ADARB1: variants seen among roughly 807,000 people sequenced by gnomAD.
The protein encoded by ADARB1 is double-stranded RNA-specific editase 1.
In ADARB1, 10 loss-of-function variants were observed where a neutral mutation model predicts 52.4. That is an observed-to-expected ratio of 0.19 (90% CI 0.12 to 0.32). The LOEUF is 0.32. Among genes scored for constraint, ADARB1 ranks in the 10% least tolerant of loss-of-function variants. The pLI, the probability that ADARB1 is intolerant of heterozygous loss-of-function variation, is 1.00. For missense variants in ADARB1, 643 were observed against 922.3 expected, an observed-to-expected ratio of 0.70 and a Z score of 3.92; for synonymous variants, 349 against 371.1, an observed-to-expected ratio of 0.94 and a Z score of 0.68.
In ADARB1 at chr21:45,080,063, G is replaced by A. The variant is rs115369908; in HGVS notation, c.-220+5270G>A. 8.5e-3 allele frequency among the ~76,000 whole-genome samples: 1,299 copies of A among 152,258 alleles called. 11 individuals carry two copies. Among genetic ancestry groups the A allele is most frequent in the African/African-American group, 0.03 (1,245 of 41,524 alleles). Reference sequence around the variant, plus strand: ...AGGGGTTCTTTTCTTCTTATTCTTCGTGGGCTGGAGAGTTTCCTATTGGCT... The same window carrying A: ...AGGGGTTCTTTTCTTCTTATTCTTCATGGGCTGGAGAGTTTCCTATTGGCT... On this transcript the variant is annotated intron_variant, in intron 1 of 10. Transcript: ENST00000348831.
At chr21:45,137,958 A>C (rs2145879378) in intron 2 of ADARB1, among the ~76,000 whole-genome samples, 1 of 152,210 alleles carries the variant, frequency 6.6e-6, no homozygotes, top group African/African-American at 2.4e-5. Flanking sequence ...AAAAGGGCAG[A>C]CCTGTGCTTA....
At chr21:45,209,738 T>G (rs2092731855) in intron 9 of ADARB1, among the ~76,000 whole-genome samples, 1 of 152,136 alleles carries the variant, frequency 6.6e-6, no homozygotes, top group African/African-American at 2.4e-5. Flanking sequence ...AGGTGTGTGG[T>G]TAGTTTGTTT....
chr21:45,207,944 T>C (rs1010628616), intron 9 of ADARB1, among the ~76,000 whole-genome samples: 1 of 152,226 alleles, frequency 6.6e-6, no homozygotes, highest in African/African-American at 2.4e-5. Context: ...TTAATTTTCA[T>C]TTCAGCCTGA....
Position 45,225,523 on chromosome 21 carries a change from G to C in ADARB1, c.*3326G>C. 7.5e-7 allele frequency: 1 copy of C among 1,328,882 alleles called. No homozygotes were observed. Among genetic ancestry groups the C allele is most frequent in the Non-Finnish European group, 9.7e-7 (1 of 1,028,512 alleles). The allele number at this position is 1,328,882 out of a possible 1,614,324, so 82.3% of individuals were successfully genotyped here. A position where few individuals can be genotyped will look rare whatever the true frequency, so the allele number is the denominator to read the frequency against. On this transcript the variant is annotated 3_prime_UTR_variant, in exon 11 of 11. Transcript: ENST00000348831. ...TCGCCACTTTCTTTGTGAAGACAGT[G>C]TCTCTCCTTGTAATCTCACACAGGT...
chr21:45,183,469 G>A lies in ADARB1; in HGVS notation c.1355G>A (p.Gly452Glu). The A allele has an allele frequency of 6.2e-7, 1 of 1,612,032 alleles. No individual in the cohort carries two copies. Among genetic ancestry groups the A allele is most frequent in the Non-Finnish European group, 8.5e-7 (1 of 1,179,472 alleles). The change falls in exon 7 of 11, where the codon GGA (glycine) becomes GAA (glutamate). Residue 452 changes from glycine to glutamate, a missense_variant. Physicochemically the swap from Gly to Glu is moderately conservative, Grantham distance 98 (BLOSUM62 -2). This residue lies in a region of ADARB1 where 263 missense variants were observed against 475.8 expected (regional missense o/e 0.55). Transcript: ENST00000348831. ...CTGTACATCAGCACCTCTCCCTGTGGAGATGCCAGAATCTTCTCACCACAT... is the reference window on the plus strand; with the variant it reads ...CTGTACATCAGCACCTCTCCCTGTGAAGATGCCAGAATCTTCTCACCACAT... The part of the protein sequence containing the change: ...FHLYISTSPC[G>E]DARIFSPHEP...
In ADARB1 at chr21:45,128,182, G is replaced by C. The variant is rs1288082142; in HGVS notation, c.-219-220G>C. Reference sequence around the variant, plus strand: ...CAGCGATCTGCCTCCGTCTGTCACAGGTGCCTCTACCTGCTGCAGGCAGAC... The same window carrying C: ...CAGCGATCTGCCTCCGTCTGTCACACGTGCCTCTACCTGCTGCAGGCAGAC... On this transcript the variant is annotated intron_variant, in intron 1 of 10. Transcript: ENST00000348831. The surrounding 1 kb of genome is among the most constrained non-coding windows in gnomAD (Gnocchi z 4.6). Among the ~76,000 whole-genome samples, 4 of 152,250 alleles carry C rather than the reference G, an allele frequency of 2.6e-5. No homozygotes were observed.
At chr21:45,153,014 G>A (rs2090377222) in intron 2 of ADARB1, among the ~76,000 whole-genome samples, 1 of 152,090 alleles carries the variant, frequency 6.6e-6, no homozygotes, top group Non-Finnish European at 1.5e-5. Flanking sequence ...CTACAGAAAA[G>A]GTTTTTCTCC....
At chr21:45,111,086 C>T (rs542487997) in intron 1 of ADARB1, among the ~76,000 whole-genome samples, 3 of 152,232 alleles carry the variant, frequency 2.0e-5, no homozygotes, top group Admixed American at 6.5e-5. Flanking sequence ...AAGAGGAAGG[C>T]GCAGCTGAGT....
rs548484369 is a variant in ADARB1 at position 45,187,158 on chromosome 21, C to A, written c.1565+2067C>A. 2.0e-5 allele frequency among the ~76,000 whole-genome samples: 3 copies of A among 152,176 alleles called. 1 individual carries two copies. The highest frequency in any genetic ancestry group is 7.2e-5 in the African/African-American group (3 of 41,528). On this transcript the variant is annotated intron_variant, in intron 8 of 10. Transcript: ENST00000348831. ...TTAAGTCTTCTAACTCATGAACATGCGATATATTTCCATTTATTTGTATCT... is the reference window on the plus strand; with the variant it reads ...TTAAGTCTTCTAACTCATGAACATGAGATATATTTCCATTTATTTGTATCT...
chr21:45,186,992 A>G (rs746231492), intron 8 of ADARB1, among the ~76,000 whole-genome samples: 7 of 152,146 alleles, frequency 4.6e-5, no homozygotes, highest in Non-Finnish European at 8.8e-5. Context: ...TCTTTTTTCA[A>G]AATCCTTTTG....
intron 1 of ADARB1, among the ~76,000 whole-genome samples, chr21:45,127,072 A>AGGGGCTAG (rs1555892183): frequency 6.6e-6 from 1 of 152,046 alleles, no homozygotes; most frequent in African/African-American, 2.4e-5. Context: ...GGATTGAGGG[A>AGGGGCTAG]GGGGCTAGGT....
intron 1 of ADARB1, among the ~76,000 whole-genome samples, chr21:45,109,794 C>T (rs969266366): frequency 6.6e-6 from 1 of 152,196 alleles, no homozygotes; most frequent in Non-Finnish European, 1.5e-5. Flanking sequence ...AGCCAAATCA[C>T]GCTGGTTTTA....
Position 45,221,107 on chromosome 21 carries a change from G to A in ADARB1, c.1926+93G>A, listed in dbSNP as rs761650843. On this transcript the variant is annotated intron_variant, in intron 10 of 10. Transcript: ENST00000348831. The surrounding 1 kb of genome is among the most constrained non-coding windows in gnomAD (Gnocchi z 4.9). ...ACTGTTCCTTAAGTTGTTTCATCAT[G>A]TCATCATGCACAGCTTCCGAAAACG... is the stretch of plus-strand genomic sequence containing the variant. 14 of 1,372,324 alleles carry A rather than the reference G, an allele frequency of 1.0e-5. No individual in the cohort carries two copies. The highest frequency in any genetic ancestry group is 1.4e-5 in the South Asian group (1 of 71,726). The allele number at this position is 1,372,324 out of a possible 1,614,324, so 85.0% of individuals were successfully genotyped here.
At chr21:45,087,176 A>C (rs2086379641) in intron 1 of ADARB1, among the ~76,000 whole-genome samples, 1 of 152,226 alleles carries the variant, frequency 6.6e-6, no homozygotes, top group African/African-American at 2.4e-5. Flanking sequence ...CACCACAGAA[A>C]CACTTACCCT....
chr21:45,134,268 G>A (rs1312064118), intron 2 of ADARB1, among the ~76,000 whole-genome samples: 1 of 116,574 alleles, frequency 8.6e-6, no homozygotes, highest in Admixed American at 8.5e-5. Context: ...GTGCCCGACA[G>A]TGGTGTGTGC....
At chr21:45,180,254 G>A in intron 4 of ADARB1, 76 bp from the exon 5 acceptor site, 1 of 1,009,146 alleles carries the variant, frequency 9.9e-7, no homozygotes, top group Non-Finnish European at 1.5e-6. Flanking sequence ...AAGGGAGAGT[G>A]CGTGCAGCAT....
At chr21:45,122,749 G>A (rs966244244) in intron 1 of ADARB1, among the ~76,000 whole-genome samples, 2 of 152,196 alleles carry the variant, frequency 1.3e-5, no homozygotes, top group African/African-American at 4.8e-5. Context: ...GGAGAAAACG[G>A]CACAGGTTGA....
chr21:45,186,697 T>C (rs1234966403), intron 8 of ADARB1, among the ~76,000 whole-genome samples: 1 of 152,230 alleles, frequency 6.6e-6, no homozygotes, highest in Non-Finnish European at 1.5e-5. Context: ...CATTTGTCTT[T>C]TGAATCTCAT....
At chr21:45,129,227 T>C (rs1195874384) in intron 2 of ADARB1, among the ~76,000 whole-genome samples, 3 of 150,744 alleles carry the variant, frequency 2.0e-5, no homozygotes, top group Admixed American at 6.6e-5. Flanking sequence ...AGACTCTTTC[T>C]CAAAAAAAAA....
Sources: gnomAD v4.1 joint callset for allele counts (sites outside exome capture counted in the v4.1 genomes callset) on GRCh38, gnomAD v4.1.1 for gene constraint, gnomAD v4.1.1 regional missense constraint, Gnocchi (gnomAD v3.1) non-coding constraint, MANE v1.5 for transcripts, NCBI Gene and HGNC (gene_info 2026-07-23, HGNC 2026-07-21) for gene names.